The following HDAC7 variants were observed in gnomAD, a reference collection of about 807,000 sequenced individuals.
HDAC7 encodes the protein histone deacetylase 7A.
A neutral mutation model predicts 115.5 loss-of-function variants in HDAC7; 26 were observed. The ratio of observed to expected loss-of-function variants is 0.23; its 90% confidence interval spans 0.16 to 0.31. The LOEUF is 0.31. Ranked by LOEUF, HDAC7 falls within the 10% of genes least tolerant of loss-of-function variation. HDAC7 has a pLI of 1.00. For synonymous variants in HDAC7, 564 were observed against 550.9 expected (o/e 1.02, Z -0.33); for missense variants, 1,068 against 1,329.0 (o/e 0.80, Z 3.05).
In HDAC7 at chr12:47,793,721, C is replaced by T; in HGVS notation, c.1459-133G>A. ...CCAGGATAAACCTAGACCTGCTGTC[C>T]AGTGGGGCTCTGGCCTTTGACTCTC... On this transcript the variant is annotated intron_variant, in intron 12 of 25. Transcript: ENST00000080059. This position sits in a 1 kb window ranked among gnomAD's most constrained non-coding sequence, Gnocchi z 4.5. 2 of 684,180 alleles carry T rather than the reference C, an allele frequency of 2.9e-6. No individual in the cohort carries two copies. The highest frequency in any genetic ancestry group is 4.7e-6 in the Non-Finnish European group (2 of 426,540). The allele number at this position is 684,180 out of a possible 1,614,324, so 42.4% of individuals were successfully genotyped here.
intron 19 of HDAC7, chr12:47,788,432 G>A (rs1943294359): frequency 3.3e-6 from 1 of 304,984 alleles, no homozygotes; most frequent in Admixed American, 4.6e-5. Context: ...GCCCACCTGA[G>A]AGAGTAACTG....
In HDAC7 at chr12:47,795,067, C is replaced by G. The variant is rs1592654128; in HGVS notation, c.1284+117G>C. 3 of 1,318,080 alleles carry G rather than the reference C, an allele frequency of 2.3e-6. No homozygotes were observed. In the African/African-American group the frequency reaches 4.4e-5, roughly 19 times the overall value. The allele number at this position is 1,318,080 out of a possible 1,614,324, so 81.6% of individuals were successfully genotyped here. A position where few individuals can be genotyped will look rare whatever the true frequency, so the allele number is the denominator to read the frequency against. ...CATGCAGCTCTGGGCCCCAAGAAGC[C>G]ACATCCCCCTCTTTTGCCCTCCAGT... On this transcript the variant is annotated intron_variant, in intron 11 of 25. Transcript: ENST00000080059. The surrounding 1 kb of genome is among the most constrained non-coding windows in gnomAD (Gnocchi z 4.3).
intron 1 of HDAC7, among the ~76,000 whole-genome samples, chr12:47,811,617 C>T (rs1299435200): frequency 1.3e-5 from 2 of 152,154 alleles, no homozygotes; most frequent in South Asian, 2.1e-4. Context: ...CTGGTCTGTC[C>T]TGTCTGAGTA....
Position 47,798,089 on chromosome 12 carries a change from C to T in HDAC7, c.461+19G>A. On this transcript the variant is annotated intron_variant, in intron 5 of 25. Coordinates refer to ENST00000080059, the MANE Select transcript of HDAC7 (RefSeq NM_015401.5). This position sits in a 1 kb window ranked among gnomAD's most constrained non-coding sequence, Gnocchi z 4.3. ...GAGGGTGCATGTGGGGACAGGAGGG[C>T]AGGTGAGGAGGGTGTTACCTGTAGG... The T allele has an allele frequency of 1.3e-6, 2 of 1,559,790 alleles. No homozygotes were observed. The highest frequency in any genetic ancestry group is 1.8e-6 in the Non-Finnish European group (2 of 1,131,024).
Position 47,795,882 on chromosome 12 carries a change from G to A in HDAC7, c.906+24C>T. ...AAAGAAGCTGGGGGGGCTTGGAGTG[G>A]GGGTGGGCACCCCAGCCACTCACCC... On this transcript the variant is annotated intron_variant, in intron 9 of 25. Transcript: ENST00000080059. This position sits in a 1 kb window ranked among gnomAD's most constrained non-coding sequence, Gnocchi z 4.3. 2 of 1,533,300 alleles carry A rather than the reference G, an allele frequency of 1.3e-6. No homozygotes were observed. Among genetic ancestry groups the A allele is most frequent in the Non-Finnish European group, 1.8e-6 (2 of 1,134,938 alleles). The allele number at this position is 1,533,300 out of a possible 1,614,324, so 95.0% of individuals were successfully genotyped here.
At chr12:47,815,176 C>G (rs1339045529) in intron 1 of HDAC7, among the ~76,000 whole-genome samples, 1 of 152,120 alleles carries the variant, frequency 6.6e-6, no homozygotes, top group African/African-American at 2.4e-5. Flanking sequence ...TCAACAGTTC[C>G]AGGATTTCTC....
At position 47,802,254 on chromosome 12, in the gene HDAC7, C is replaced by T. The variant is rs2137009706; in HGVS notation, c.40G>A (p.Gly14Ser). The stretch of plus-strand genomic sequence containing the variant: ...CCAGTGGGGCTGCAGTAGTGGGCAC[C>T]CGGGCTCACCTGGGTCCCATCTGTA... ...PGADGTQVSP[G>S]AHYCSPTGAG... The change falls in exon 2 of 26, where the codon GGT (glycine) becomes AGT (serine). Residue 14 changes from glycine (G) to serine (S), a missense_variant. By Grantham distance (56) the Gly-to-Ser change is moderately conservative (BLOSUM62 0). Around this residue, in one of 6 missense-constraint regions of HDAC7, gnomAD observed 161 missense variants for 158.5 expected, o/e 1.02. Transcript: ENST00000080059. 6.2e-7 allele frequency: 1 copy of T among 1,614,006 alleles called. No homozygotes were observed. Among genetic ancestry groups the T allele is most frequent in the Non-Finnish European group, 8.5e-7 (1 of 1,179,984 alleles).
chr12:47,818,910 C>A (rs1944925936), intron 1 of HDAC7, among the ~76,000 whole-genome samples: 1 of 152,172 alleles, frequency 6.6e-6, no homozygotes, highest in Non-Finnish European at 1.5e-5. Context: ...GGGTGGCCTG[C>A]GGGCCCCAGA....
chr12:47,792,871 C>T (rs868842542), intron 13 of HDAC7: 7 of 362,022 alleles, frequency 1.9e-5, no homozygotes, highest in South Asian at 1.2e-4. Context: ...GGATACAAAA[C>T]GTAGTTCATG....
intron 1 of HDAC7, among the ~76,000 whole-genome samples, chr12:47,818,212 G>T (rs1944904063): frequency 6.6e-6 from 1 of 152,136 alleles, no homozygotes; most frequent in Admixed American, 6.5e-5. Flanking sequence ...AGAGGCCTCT[G>T]GAGAACACTG....
Position 47,797,159 on chromosome 12 carries a change from C to A in HDAC7, c.578-17G>T. 1.3e-6 allele frequency: 2 copies of A among 1,576,318 alleles called. No individual in the cohort carries two copies. Among genetic ancestry groups the A allele is most frequent in the Non-Finnish European group, 1.7e-6 (2 of 1,161,058 alleles). Reference sequence around the variant, plus strand: ...GCTCAGAGACTGCAGGGAGCACCAGCGTCACTCAGGCCCCCACCACCCTTC... The same window carrying A: ...GCTCAGAGACTGCAGGGAGCACCAGAGTCACTCAGGCCCCCACCACCCTTC... On this transcript the variant is annotated splice_polypyrimidine_tract_variant and intron_variant, in intron 6 of 25. Transcript: ENST00000080059. This position sits in a 1 kb window ranked among gnomAD's most constrained non-coding sequence, Gnocchi z 5.5.
At chr12:47,784,728 C>T in intron 24 of HDAC7, 1 of 1,535,492 alleles carries the variant, frequency 6.5e-7, no homozygotes, top group Non-Finnish European at 8.7e-7. Flanking sequence ...GGTGCCCAGG[C>T]CAGGAGAATG....
Position 47,819,696 on chromosome 12 carries a change from G to GGCCGA in HDAC7, c.19+66_19+70dup, listed in dbSNP as rs1399159028. ...AGCCGGAGCCGGGGCCAGGGCCGGA[G>GGCCGA]GCCGAGCCTGGGCGGGCGACGCTGG... On this transcript the variant is annotated intron_variant, in intron 1 of 25. Transcript: ENST00000080059. 3.9e-5 allele frequency: 12 copies of GGCCGA among 309,874 alleles called. No individual in the cohort carries two copies. In the Admixed American group the frequency reaches 4.5e-4, roughly 12 times the overall value. The allele number at this position is 309,874 out of a possible 1,614,324, so 19.2% of individuals were successfully genotyped here.
intron 1 of HDAC7, among the ~76,000 whole-genome samples, chr12:47,806,310 G>A (rs1156473791): frequency 6.6e-6 from 1 of 152,208 alleles, no homozygotes; most frequent in Non-Finnish European, 1.5e-5. Flanking sequence ...CGACTCCCTC[G>A]GTGACTGGCA....
intron 21 of HDAC7, 40 bp from the exon 22 acceptor site, chr12:47,786,743 G>C (rs1334973084): frequency 7.2e-6 from 11 of 1,531,808 alleles, no homozygotes; most frequent in Non-Finnish European, 9.9e-6. Context: ...GTACTGTGCA[G>C]GGTTGCCAGG....
intron 2 of HDAC7, among the ~76,000 whole-genome samples, chr12:47,801,540 G>A (rs1000045649): frequency 2.0e-5 from 3 of 152,158 alleles, no homozygotes; most frequent in African/African-American, 4.8e-5. Flanking sequence ...CAACAGCCAG[G>A]ACTGAAGCAA....
intron 24 of HDAC7, 149 bp from the exon 25 acceptor site, chr12:47,784,366 C>A: frequency 1.3e-6 from 1 of 785,486 alleles, no homozygotes; most frequent in Non-Finnish European, 2.0e-6. Flanking sequence ...CCCACCTGCC[C>A]CTCTCCTCAC....
At chr12:47,784,843 C>T in intron 24 of HDAC7, 2 of 1,422,638 alleles carry the variant, frequency 1.4e-6, no homozygotes, top group Non-Finnish European at 1.9e-6. Context: ...TATGTAAAGA[C>T]ATCACGGCTC....
chr12:47,799,186 A>G, intron 2 of HDAC7: 1 of 515,016 alleles, frequency 1.9e-6, no homozygotes, highest in South Asian at 3.3e-5. Flanking sequence ...AACTGTGCAC[A>G]GTAACACTGT....
Sources: allele counts gnomAD v4.1 joint callset (sites outside exome capture counted in the v4.1 genomes callset), GRCh38; gene constraint gnomAD v4.1.1; regional missense constraint gnomAD v4.1.1; non-coding constraint Gnocchi (gnomAD v3.1); transcripts MANE v1.5; gene names NCBI Gene and HGNC (gene_info 2026-07-23, HGNC 2026-07-21).